Variants in ATP7B observed in about 807,000 individuals in gnomAD.
ATP7B encodes the protein ATPase copper transporting beta.
ATP7B carries 113 observed loss-of-function variants against 118.9 expected under a neutral mutation model. That is an observed-to-expected ratio of 0.95 (90% CI 0.82 to 1.11). ATP7B has a LOEUF of 1.11. Among genes scored for constraint, ATP7B ranks in the 50% most tolerant of loss-of-function variants. The pLI is 0.00. For missense variants in ATP7B, 1,867 were observed against 1,871.4 expected (o/e 1.00, Z 0.04); for synonymous variants, 777 against 727.4 (o/e 1.07, Z -1.10).
chr13:51,987,776 G>A (rs893220864), intron 1 of ATP7B, among the ~76,000 whole-genome samples: 1 of 152,126 alleles, frequency 6.6e-6, no homozygotes, highest in East Asian at 1.9e-4. Flanking sequence ...ACAACCATCC[G>A]ATCTTTGACA....
chr13:52,011,189 T>C, intron 1 of ATP7B, 98 bp downstream of exon 1: 1 of 1,588,754 alleles, frequency 6.3e-7, no homozygotes, highest in Non-Finnish European at 8.6e-7. Context: ...CGGCCTTCCC[T>C]GCGCACCCCC....
At chr13:51,958,611 C>T in intron 7 of ATP7B, 67 bp from the exon 8 acceptor site, 2 of 1,422,138 alleles carry the variant, frequency 1.4e-6, no homozygotes, top group Non-Finnish European at 2.0e-6. Context: ...GACACAGGGC[C>T]AAGGGCCCTG....
chr13:52,002,969 G>T (rs1416274015), intron 1 of ATP7B, among the ~76,000 whole-genome samples: 1 of 152,214 alleles, frequency 6.6e-6, no homozygotes, highest in Non-Finnish European at 1.5e-5. Flanking sequence ...CAATGCTGAG[G>T]ACCTTGCTCT....
chr13:52,000,074 C>G (rs1040399467), intron 1 of ATP7B, among the ~76,000 whole-genome samples: 6 of 152,310 alleles, frequency 3.9e-5, no homozygotes, highest in Middle Eastern at 3.4e-3. Flanking sequence ...GCAGTGGCCC[C>G]CAGCTCAGCC....
Position 51,974,821 on chromosome 13 carries a change from C to T in ATP7B, c.399G>A (p.Trp133Ter), listed in dbSNP as rs1033235740. The part of the protein sequence containing the change: ...ASIAEGKAAS[W>*]PSRSLPAQEA... ...CCTGGGCAGGCAAGGACCTTGAGGG[C>T]CAGGAGGCTGCCTTTCCTTCTGCAA... The change falls in exon 2 of 21, where the codon TGG (tryptophan) becomes TGA (stop). Residue 133 changes from tryptophan (W) to a stop codon, truncating the protein, a stop_gained. Coordinates refer to ENST00000242839, the MANE Select transcript of ATP7B (RefSeq NM_000053.4). LOFTEE classifies it high-confidence loss of function. The T allele has an allele frequency of 1.9e-6, 3 of 1,614,086 alleles. No individual in the cohort carries two copies. Among genetic ancestry groups the T allele is most frequent in the South Asian group, 2.2e-5 (2 of 91,092 alleles).
Position 51,934,922 on chromosome 13 carries a change from C to T in ATP7B, c.4232G>A (p.Arg1411Gln), listed in dbSNP as rs769672624. 1.1e-5 allele frequency: 18 copies of T among 1,613,994 alleles called. No individual in the cohort carries two copies. The East Asian group carries it at 1.8e-4, about 16-fold the overall frequency. Residue 1411 changes from arginine (R) to glutamine (Q), a missense_variant, in exon 21 of 21, where the codon CGG becomes CAG. Arg to Gln is a conservative substitution (Grantham distance 43). Coordinates refer to ENST00000242839, the MANE Select transcript of ATP7B (RefSeq NM_000053.4). ...CCATGGTGTGGCCCTGGGGGAGTCC[C>T]GCCACCTGTCATCCATGCCTATGTG... ...SVHIGMDDRW[R>Q]DSPRATPWDQ...
chr13:51,982,756 T>C (rs1439824856), intron 1 of ATP7B, among the ~76,000 whole-genome samples: 3 of 152,132 alleles, frequency 2.0e-5, no homozygotes, highest in Admixed American at 1.3e-4. Flanking sequence ...GTACAGCCCA[T>C]GGAGGGCAAG....
At chr13:51,981,763 G>A (rs1952433984) in intron 1 of ATP7B, among the ~76,000 whole-genome samples, 1 of 152,044 alleles carries the variant, frequency 6.6e-6, no homozygotes, top group Admixed American at 6.5e-5. Flanking sequence ...GTTATCTTTT[G>A]GTGAGTTATG....
At chr13:51,935,516 G>A in intron 20 of ATP7B, 77 bp downstream of exon 20, 1 of 1,435,004 alleles carries the variant, frequency 7.0e-7, no homozygotes, top group South Asian at 1.2e-5. Flanking sequence ...TGAGAGGCAA[G>A]TTCCACTGTG....
At chr13:51,989,203 T>C (rs940641764) in intron 1 of ATP7B, among the ~76,000 whole-genome samples, 1 of 152,202 alleles carries the variant, frequency 6.6e-6, no homozygotes, top group Non-Finnish European at 1.5e-5. Flanking sequence ...AAACTAATTA[T>C]TAAAAGTAGT....
chr13:51,942,357 C>G, intron 15 of ATP7B, 29 bp downstream of exon 15: 1 of 1,613,202 alleles, frequency 6.2e-7, no homozygotes, highest in Non-Finnish European at 8.5e-7. Context: ...CTACTTTTAA[C>G]CAGCTGCAGA....
chr13:51,935,950 T>C (rs1956936935), intron 19 of ATP7B, among the ~76,000 whole-genome samples: 1 of 152,154 alleles, frequency 6.6e-6, no homozygotes, highest in African/African-American at 2.4e-5. Flanking sequence ...CACCCACAGG[T>C]GGCATCCCAT....
At chr13:51,966,873 C>G (rs1216158591) in intron 4 of ATP7B, 5 of 1,612,576 alleles carry the variant, frequency 3.1e-6, no homozygotes, top group Non-Finnish European at 2.5e-6. Flanking sequence ...CAGATTGTAT[C>G]ATCACTTGTG....
chr13:51,955,024 C>A (rs76930122), intron 9 of ATP7B, among the ~76,000 whole-genome samples: 5 of 152,180 alleles, frequency 3.3e-5, no homozygotes, highest in Non-Finnish European at 7.3e-5. Context: ...GTGTGCCAGA[C>A]GGATCGCACC....
chr13:51,937,986 C>G (rs1228463932), intron 17 of ATP7B, among the ~76,000 whole-genome samples: 1 of 152,194 alleles, frequency 6.6e-6, no homozygotes, highest in East Asian at 1.9e-4. Context: ...TCCAAAGCAT[C>G]CGTCCGGCCA....
In ATP7B at chr13:51,970,441, C is replaced by T. The variant is rs151202111; in HGVS notation, c.1543+51G>A. The T allele has an allele frequency of 0.013, 20,657 of 1,611,928 alleles. 633 individuals carry two copies. The highest frequency in any genetic ancestry group is 0.12 in the Admixed American group (7,201 of 60,006). On this transcript the variant is annotated intron_variant, in intron 3 of 20. Transcript: ENST00000242839. ...TGCTGGGTATTCTGAAGGGAGAATA[C>T]GAGGTCTATACGCAGCATTCCTAAG...
chr13:51,985,467 G>C (rs1952611972), intron 1 of ATP7B, among the ~76,000 whole-genome samples: 1 of 152,156 alleles, frequency 6.6e-6, no homozygotes, highest in Non-Finnish European at 1.5e-5. Context: ...CAGTAATAGT[G>C]GGAGACTTTA....
At chr13:51,999,286 G>A (rs9535828) in intron 1 of ATP7B, among the ~76,000 whole-genome samples, 61,860 of 151,934 alleles carry the variant, frequency 0.41, 14,312 homozygotes, top group Non-Finnish European at 0.52. Context: ...TGCTGGGAGC[G>A]GGGGAGGGAA....
intron 9 of ATP7B, among the ~76,000 whole-genome samples, chr13:51,951,620 G>A (rs1958013347): frequency 6.6e-6 from 1 of 152,148 alleles, no homozygotes; most frequent in South Asian, 2.1e-4. Context: ...ACTCATCCCT[G>A]AGACACTCCA....
Sources: allele counts gnomAD v4.1 joint callset (sites outside exome capture counted in the v4.1 genomes callset), GRCh38; gene constraint gnomAD v4.1.1; transcripts MANE v1.5; gene names NCBI Gene and HGNC (gene_info 2026-07-23, HGNC 2026-07-21).